The following DYNC2I1 variants were observed in gnomAD, a reference collection of about 807,000 sequenced individuals.
DYNC2I1 encodes cytoplasmic dynein 2 intermediate chain 1.
DYNC2I1 carries 89 observed loss-of-function variants against 133.4 expected under a neutral mutation model. The ratio of observed to expected loss-of-function variants is 0.67; its 90% CI spans 0.56 to 0.80. DYNC2I1 has a LOEUF of 0.80. Among genes scored for constraint, DYNC2I1 ranks in the 30% least tolerant of loss-of-function variants. The pLI, the probability that DYNC2I1 is intolerant of heterozygous loss-of-function variation, is 0.00. For missense variants in DYNC2I1, 1,291 were observed against 1,314.5 expected, an observed-to-expected ratio of 0.98 and a Z score of 0.28; for synonymous variants, 504 against 484.3, an observed-to-expected ratio of 1.04 and a Z score of -0.54.
Position 158,913,102 on chromosome 7 carries a change from A to T in DYNC2I1, c.1702+6A>T, listed in dbSNP as rs756976834. 1 of 1,601,710 alleles carries T rather than the reference A, an allele frequency of 6.2e-7. No homozygotes were observed. Among genetic ancestry groups the T allele is most frequent in the Admixed American group, 1.7e-5 (1 of 59,440 alleles). ...AAGTACTGTTGTATCTGGAGGTAAC[A>T]TCTTGCTCTTGAGTGTTGACCATTG... On this transcript the variant is annotated splice_donor_region_variant and intron_variant, in intron 13 of 24. Coordinates refer to ENST00000407559, the MANE Select transcript of DYNC2I1 (RefSeq NM_018051.5).
At chr7:158,871,728 T>C (rs1842905924) in intron 3 of DYNC2I1, among the ~76,000 whole-genome samples, 166 bp downstream of exon 3, 1 of 151,836 alleles carries the variant, frequency 6.6e-6, no homozygotes, top group Non-Finnish European at 1.5e-5. Context: ...TAGAGAGCAG[T>C]GGTGCCATCA....
intron 12 of DYNC2I1, 32 bp from the exon 13 acceptor site, chr7:158,912,953 A>G: frequency 6.7e-7 from 1 of 1,503,192 alleles, no homozygotes; most frequent in Non-Finnish European, 9.1e-7. Context: ...AATTGAAACC[A>G]ATGTTAATTT....
rs1167925342 is a variant in DYNC2I1 at position 158,856,700 on chromosome 7, C to G, written c.-36C>G. 6 of 1,232,534 alleles carry G rather than the reference C, an allele frequency of 4.9e-6. No homozygotes were observed. Among genetic ancestry groups the G allele is most frequent in the East Asian group, 3.2e-5 (1 of 31,614 alleles). 76.3% of individuals were successfully genotyped at this position (1,232,534 alleles called of 1,614,324 possible). A position where few individuals can be genotyped will look rare whatever the true frequency, so the allele number is the denominator to read the frequency against. The stretch of plus-strand genomic sequence containing the variant: ...GGGGTGGACCGCGCCTGGCCGGGGC[C>G]GAGGACACCGCGGCCGCCCGGGCCT... On this transcript the variant is annotated 5_prime_UTR_variant, in exon 1 of 25. Coordinates refer to ENST00000407559, the MANE Select transcript of DYNC2I1 (RefSeq NM_018051.5).
At position 158,945,570 on chromosome 7, in the gene DYNC2I1, T is replaced by G. The variant is rs1349715388; in HGVS notation, c.3003-11T>G. ...TGCACTGACCCTCTGCTTCTGCCCC[T>G]CTCCCTGCAGGCTGGTGGCCATGGC... On this transcript the variant is annotated splice_polypyrimidine_tract_variant and intron_variant, in intron 24 of 24. Transcript: ENST00000407559. This position sits in a 1 kb window ranked among gnomAD's most constrained non-coding sequence, Gnocchi z 4.1. 1 of 1,596,312 alleles carries G rather than the reference T, an allele frequency of 6.3e-7. No homozygotes were observed. Among genetic ancestry groups the G allele is most frequent in the East Asian group, 2.3e-5 (1 of 44,102 alleles).
chr7:158,878,665 T>C (rs1311495748), intron 4 of DYNC2I1, among the ~76,000 whole-genome samples: 1 of 131,264 alleles, frequency 7.6e-6, no homozygotes, highest in Non-Finnish European at 1.6e-5. Flanking sequence ...CCAGGTGCCA[T>C]GTGGGGTGGC....
At chr7:158,929,571 C>T (rs1850001777) in intron 20 of DYNC2I1, among the ~76,000 whole-genome samples, 1 of 152,242 alleles carries the variant, frequency 6.6e-6, no homozygotes, top group Admixed American at 6.5e-5. Context: ...CGGGAAGCTT[C>T]ACATTTGTGA....
At chr7:158,874,540 C>T (rs1446925853) in intron 3 of DYNC2I1, among the ~76,000 whole-genome samples, 3 of 152,134 alleles carry the variant, frequency 2.0e-5, no homozygotes, top group East Asian at 3.8e-4. Flanking sequence ...AGGAATTGTA[C>T]TGGAAAGACT....
intron 13 of DYNC2I1, 103 bp downstream of exon 13, chr7:158,913,199 C>T (rs942396568): frequency 1.2e-5 from 11 of 900,604 alleles, no homozygotes; most frequent in African/African-American, 3.4e-5. Context: ...TTGTCTTTCT[C>T]TTCTGTATGG....
chr7:158,903,928 AT>A (rs1846496783), intron 10 of DYNC2I1: 1 of 152,218 alleles, frequency 6.6e-6, no homozygotes, highest in African/African-American at 2.4e-5. Flanking sequence ...ACAACTCTCA[AT>A]ATGAGATTAT....
intron 1 of DYNC2I1, among the ~76,000 whole-genome samples, chr7:158,857,209 TG>T (rs1841347306): frequency 6.6e-6 from 1 of 152,240 alleles, no homozygotes; most frequent in South Asian, 2.1e-4. Context: ...TTTACTTGTA[TG>T]ACCTTGGCAA....
At chr7:158,956,550 T>G (rs1377567588) in intron 4 of DYNC2I1, 1 of 152,298 alleles carries the variant, frequency 6.6e-6, no homozygotes, top group African/African-American at 2.4e-5. Context: ...AGTACTCCCA[T>G]CCTGAGCGAA....
At position 158,884,628 on chromosome 7, in the gene DYNC2I1, T is replaced by G; in HGVS notation, c.935+9T>G. On this transcript the variant is annotated intron_variant, in intron 6 of 24. Transcript: ENST00000407559. ...GATGGGACCAGCAGCCAGTAAGGAT[T>G]GCATGCCCTGTGGTCGACCTTTACG... is the stretch of plus-strand genomic sequence containing the variant. The G allele has an allele frequency of 6.2e-7, 1 of 1,613,104 alleles. No homozygotes were observed. The highest frequency in any genetic ancestry group is 1.1e-5 in the South Asian group (1 of 90,788).
chr7:158,938,496 G>A (rs1010225612), intron 23 of DYNC2I1, among the ~76,000 whole-genome samples: 2 of 152,158 alleles, frequency 1.3e-5, no homozygotes, highest in Non-Finnish European at 2.9e-5. Flanking sequence ...GGTGGCTCAC[G>A]CCTGTAATCG....
intron 5 of DYNC2I1, among the ~76,000 whole-genome samples, chr7:158,880,339 C>T (rs1310394305): frequency 6.6e-6 from 1 of 152,078 alleles, no homozygotes; most frequent in Non-Finnish European, 1.5e-5. Flanking sequence ...GAGTTCGAGA[C>T]CAGCCTGACC....
chr7:158,901,620 G>A, intron 8 of DYNC2I1, 119 bp from the exon 9 acceptor site: 3 of 668,642 alleles, frequency 4.5e-6, no homozygotes, highest in Non-Finnish European at 5.1e-6. Flanking sequence ...CAAATACCTA[G>A]AGTTTAAAAT....
chr7:158,924,956 A>C (rs554977464), intron 17 of DYNC2I1, among the ~76,000 whole-genome samples: 1 of 152,264 alleles, frequency 6.6e-6, no homozygotes, highest in Non-Finnish European at 1.5e-5. Context: ...GGGTTTCTCC[A>C]TGTTGGTCAG....
intron 1 of DYNC2I1, among the ~76,000 whole-genome samples, chr7:158,860,884 T>TTAA (rs1421187064): frequency 3.3e-5 from 5 of 152,338 alleles, no homozygotes; most frequent in African/African-American, 1.2e-4. Flanking sequence ...AAAGGCTGAA[T>TTAA]GTTTTAGAGT....
rs892415238 is a variant in DYNC2I1 at position 158,871,217 on chromosome 7, C to T, written c.145C>T (p.Leu49Phe). 8 of 1,613,500 alleles carry T rather than the reference C, an allele frequency of 5.0e-6. No homozygotes were observed. The highest frequency in any genetic ancestry group is 4.4e-5 in the South Asian group (4 of 91,024). Reference sequence around the variant, plus strand: ...GCTGCGTAAGGAGTCTGAGATGGACCTTCCTGAACATAAGGAGCCGAGGTG... The same window carrying T: ...GCTGCGTAAGGAGTCTGAGATGGACTTTCCTGAACATAAGGAGCCGAGGTG... ...KKLRKESEMD[L>F]PEHKEPRCRD... The change falls in exon 3 of 25, where the codon CTT (leucine) becomes TTT (phenylalanine). Residue 49 changes from leucine (L) to phenylalanine (F), a missense_variant. Physicochemically the swap from Leu to Phe is conservative, Grantham distance 22 (BLOSUM62 0). Transcript: ENST00000407559.
intron 20 of DYNC2I1, 126 bp downstream of exon 20, chr7:158,927,169 A>T (rs1046065294): frequency 1.1e-4 from 72 of 640,320 alleles, no homozygotes; most frequent in Non-Finnish European, 1.7e-4. Flanking sequence ...TGGGAGGCTG[A>T]GGAAGGAGGA....
Sources: gnomAD v4.1 joint callset for allele counts (sites outside exome capture counted in the v4.1 genomes callset) on GRCh38, gnomAD v4.1.1 for gene constraint, Gnocchi (gnomAD v3.1) non-coding constraint, MANE v1.5 for transcripts, NCBI Gene and HGNC (gene_info 2026-07-23, HGNC 2026-07-21) for gene names.